The following MAST2 variants were observed in gnomAD, a reference collection of about 807,000 sequenced individuals.
MAST2 encodes microtubule associated serine/threonine kinase 2.
Under a neutral mutation model 147.4 loss-of-function variants are expected in MAST2, and 70 were observed. The ratio of observed to expected loss-of-function variants is 0.47; its 90% CI spans 0.39 to 0.58. The LOEUF is 0.58. Among genes scored for constraint, MAST2 ranks in the 20% least tolerant of loss-of-function variants. MAST2 has a pLI of 0.00. For missense variants in MAST2, 2,080 were observed against 2,302.3 expected (o/e 0.90, Z 1.98); for synonymous variants, 869 against 896.8 (o/e 0.97, Z 0.55).
At chr1:45,885,987 G>T (rs138168343) in intron 4 of MAST2, among the ~76,000 whole-genome samples, 104 of 152,086 alleles carry the variant, frequency 6.8e-4, no homozygotes, top group African/African-American at 2.4e-3. Flanking sequence ...GTCTAGGCTG[G>T]GTGTGGTGGT....
chr1:45,818,097 A>G (rs1003463214), intron 1 of MAST2, among the ~76,000 whole-genome samples: 2 of 152,186 alleles, frequency 1.3e-5, no homozygotes, highest in African/African-American at 4.8e-5. Flanking sequence ...TCATAGCCCA[A>G]TTCGTTCACT....
intron 1 of MAST2, among the ~76,000 whole-genome samples, chr1:45,813,943 T>C (rs956255942): frequency 6.6e-6 from 1 of 152,254 alleles, no homozygotes; most frequent in African/African-American, 2.4e-5. Flanking sequence ...TGAACTATTA[T>C]GCCTGGCTTC....
chr1:45,836,065 G>T (rs2147866504), intron 3 of MAST2, among the ~76,000 whole-genome samples: 1 of 152,206 alleles, frequency 6.6e-6, no homozygotes, highest in Non-Finnish European at 1.5e-5. Context: ...TGCTGTATTT[G>T]TGTACATGAA....
chr1:46,008,214 G>C lies in MAST2; in HGVS notation c.903-82G>C, dbSNP rs1196710658. 22 of 864,506 alleles carry C rather than the reference G, an allele frequency of 2.5e-5. No individual in the cohort carries two copies. The East Asian group carries it at 5.6e-4, about 22-fold the overall frequency. 53.6% of individuals were successfully genotyped at this position (864,506 alleles called of 1,614,324 possible). A position where few individuals can be genotyped will look rare whatever the true frequency, so the allele number is the denominator to read the frequency against. ...TGTAGCTGCTGAAGATGGTGGGAGG[G>C]GCAGGGTCTCTGGGGATGGCCATCT... On this transcript the variant is annotated intron_variant, in intron 8 of 28. Transcript: ENST00000361297.
At chr1:45,965,442 C>G (rs1426908359) in intron 5 of MAST2, among the ~76,000 whole-genome samples, 2 of 152,142 alleles carry the variant, frequency 1.3e-5, no homozygotes, top group Non-Finnish European at 2.9e-5. Context: ...GGATAGTTAG[C>G]TCTTCTTGTT....
intron 3 of MAST2, among the ~76,000 whole-genome samples, chr1:45,860,466 C>T (rs192183886): frequency 6.6e-6 from 1 of 152,052 alleles, no homozygotes; most frequent in Admixed American, 6.6e-5. Context: ...GCAGTCCTTC[C>T]CTTCCTGGCT....
Position 46,030,991 on chromosome 1 carries a change from G to A in MAST2, c.2709-16G>A. ...GGACCACCTGGGTCACTCACCCCAG[G>A]CCTTGTGTCTCATAGATTACGGAAG... is the stretch of plus-strand genomic sequence containing the variant. On this transcript the variant is annotated splice_polypyrimidine_tract_variant and intron_variant, in intron 22 of 28. Transcript: ENST00000361297. 1.2e-6 allele frequency: 2 copies of A among 1,610,320 alleles called. No homozygotes were observed. Among genetic ancestry groups the A allele is most frequent in the Non-Finnish European group, 1.7e-6 (2 of 1,177,892 alleles).
intron 3 of MAST2, among the ~76,000 whole-genome samples, chr1:45,875,967 G>T (rs11211212): frequency 0.031 from 4,724 of 152,242 alleles, 166 homozygotes; most frequent in East Asian, 0.16. Flanking sequence ...AAGGGTCTAA[G>T]GTGATGAAGG....
In MAST2 at chr1:46,035,890, C is replaced by G. The variant is rs371310141; in HGVS notation, c.5221C>G (p.Leu1741Val). The change falls in exon 29 of 29, where the codon CTG becomes GTG. Residue 1741 changes from leucine (L) to valine (V), a missense_variant. Transcript: ENST00000361297. This position sits in a 1 kb window ranked among gnomAD's most constrained non-coding sequence, Gnocchi z 5.5. ...ACAAGCAGTGAAAGAGGATCCAGCCCTGAGCATCACCCAAGTGCCTGATGC... is the reference window on the plus strand; with the variant it reads ...ACAAGCAGTGAAAGAGGATCCAGCCGTGAGCATCACCCAAGTGCCTGATGC... Reference protein sequence around the residue: ...CAQAVKEDPALSITQVPDASG... With the variant: ...CAQAVKEDPAVSITQVPDASG... The G allele has an allele frequency of 8.7e-6, 14 of 1,613,950 alleles. No individual in the cohort carries two copies. In the African/African-American group the frequency reaches 1.3e-4, roughly 15 times the overall value.
chr1:46,016,915 C>T (rs1645973272), intron 10 of MAST2, among the ~76,000 whole-genome samples: 1 of 151,998 alleles, frequency 6.6e-6, no homozygotes, highest in Non-Finnish European at 1.5e-5. Flanking sequence ...TGCTACCTGA[C>T]TTCAAACTAT....
intron 3 of MAST2, among the ~76,000 whole-genome samples, chr1:45,859,180 C>A (rs566950715): frequency 6.6e-6 from 1 of 152,222 alleles, no homozygotes; most frequent in South Asian, 2.1e-4. Context: ...CTGCAACCTC[C>A]GCCTCCTGGG....
chr1:45,841,867 C>T (rs893455411), intron 3 of MAST2, among the ~76,000 whole-genome samples: 1 of 152,136 alleles, frequency 6.6e-6, no homozygotes, highest in Admixed American at 6.5e-5. Context: ...TAAATTATTA[C>T]ATTTGTAGAC....
At chr1:45,993,830 C>G (rs1644943285) in intron 5 of MAST2, among the ~76,000 whole-genome samples, 1 of 152,150 alleles carries the variant, frequency 6.6e-6, no homozygotes, top group Non-Finnish European at 1.5e-5. Context: ...GTCACCCATA[C>G]TTCTGACAAA....
chr1:45,888,603 C>T (rs1193651501), intron 4 of MAST2, among the ~76,000 whole-genome samples: 1 of 149,904 alleles, frequency 6.7e-6, no homozygotes, highest in African/African-American at 2.4e-5. Flanking sequence ...AACTTGTGAT[C>T]CACCCACCTC....
intron 3 of MAST2, among the ~76,000 whole-genome samples, chr1:45,839,471 C>T (rs1196146957): frequency 2.6e-5 from 4 of 152,074 alleles, no homozygotes; most frequent in Non-Finnish European, 1.5e-5. Context: ...TGGGGTTTCG[C>T]CATGTTGCCC....
intron 9 of MAST2, among the ~76,000 whole-genome samples, chr1:46,010,362 C>T (rs1029049024): frequency 6.6e-6 from 1 of 152,104 alleles, no homozygotes; most frequent in Non-Finnish European, 1.5e-5. Context: ...GTCAGGCAGG[C>T]TTGGCAGGGT....
At chr1:45,960,758 A>G (rs915815950) in intron 5 of MAST2, among the ~76,000 whole-genome samples, 7 of 152,208 alleles carry the variant, frequency 4.6e-5, no homozygotes, top group African/African-American at 1.7e-4. Flanking sequence ...GGCAATTGAC[A>G]GACTTAGAAC....
chr1:45,814,766 G>A (rs557781829), intron 1 of MAST2, among the ~76,000 whole-genome samples: 2 of 152,202 alleles, frequency 1.3e-5, no homozygotes, highest in African/African-American at 2.4e-5. Flanking sequence ...CAGCCTGGGC[G>A]ACAAGAGCGA....
chr1:45,873,082 T>C (rs899816572), intron 3 of MAST2, among the ~76,000 whole-genome samples: 4 of 152,034 alleles, frequency 2.6e-5, no homozygotes, highest in African/African-American at 9.7e-5. Flanking sequence ...GTGATAGGGA[T>C]GGAGTATTGG....
Sources: allele counts gnomAD v4.1 joint callset (sites outside exome capture counted in the v4.1 genomes callset), GRCh38; gene constraint gnomAD v4.1.1; non-coding constraint Gnocchi (gnomAD v3.1); transcripts MANE v1.5; gene names NCBI Gene and HGNC (gene_info 2026-07-23, HGNC 2026-07-21).